EXOC4: variants seen among roughly 807,000 people sequenced by gnomAD.
EXOC4 encodes exocyst complex component 4, also known as SEC8-like 1.
EXOC4 carries 71 observed loss-of-function variants against 107.2 expected under a neutral mutation model. That is an observed-to-expected ratio of 0.66 (90% CI 0.55 to 0.81). EXOC4 has a LOEUF of 0.81. Ranked by LOEUF, EXOC4 falls within the 30% of genes least tolerant of loss-of-function variation. The pLI is 0.00. For synonymous variants in EXOC4, 456 were observed against 441.2 expected (o/e 1.03, Z -0.42); for missense variants, 1,108 against 1,189.6 (o/e 0.93, Z 1.01).
intron 17 of EXOC4, among the ~76,000 whole-genome samples, chr7:134,026,097 A>G (rs532200127): frequency 6.6e-6 from 1 of 152,252 alleles, no homozygotes. Context: ...AATAAAGGAA[A>G]TTTCTTGAAT....
At chr7:133,380,942 G>A (rs549663551) in intron 7 of EXOC4, among the ~76,000 whole-genome samples, 4 of 152,174 alleles carry the variant, frequency 2.6e-5, no homozygotes, top group African/African-American at 7.2e-5. Flanking sequence ...TTGCATTTTT[G>A]CTTGCTTTCT....
chr7:133,716,000 A>T (rs746719158), intron 10 of EXOC4, among the ~76,000 whole-genome samples: 4 of 152,192 alleles, frequency 2.6e-5, no homozygotes, highest in Non-Finnish European at 5.9e-5. Flanking sequence ...TAAAGCAGTT[A>T]ACTCTGCTGG....
intron 11 of EXOC4, among the ~76,000 whole-genome samples, chr7:133,854,452 AC>A (rs1267741011): frequency 1.6e-4 from 23 of 147,030 alleles, no homozygotes; most frequent in African/African-American, 5.8e-4. Flanking sequence ...ACACACACAT[AC>A]ATTTTAATCC....
At chr7:133,357,529 A>G (rs915244365) in intron 6 of EXOC4, among the ~76,000 whole-genome samples, 2 of 152,120 alleles carry the variant, frequency 1.3e-5, no homozygotes, top group African/African-American at 4.8e-5. Context: ...TTGAATTCAG[A>G]TTCTAACTTT....
chr7:134,074,826 G>T, the EXOC4 span, among the ~76,000 whole-genome samples: 1 of 152,222 alleles, frequency 6.6e-6, no homozygotes, highest in Non-Finnish European at 1.5e-5. Context: ...ACCACTGAAG[G>T]CTCACGGAGC....
At chr7:133,382,302 G>C (rs923910172) in intron 7 of EXOC4, among the ~76,000 whole-genome samples, 5 of 152,192 alleles carry the variant, frequency 3.3e-5, no homozygotes, top group African/African-American at 1.2e-4. Context: ...AAGATGATAT[G>C]GTCCATCTGC....
chr7:133,900,773 G>T (rs1232782755), intron 12 of EXOC4, among the ~76,000 whole-genome samples: 1 of 152,142 alleles, frequency 6.6e-6, no homozygotes, highest in African/African-American at 2.4e-5. Flanking sequence ...TATAGAAGAA[G>T]AAATACAGAT....
rs1797643402 is a variant in EXOC4 at position 133,423,225 on chromosome 7, CCAAAAAAAA to C, written c.1182+48224_1182+48232del. ...TGGGCGACAGAGCGAGACTCCGTCT[CCAAAAAAAA>C]AAAAAAAAAAAAAAAAAATAGAATT... On this transcript the variant is annotated intron_variant, in intron 7 of 17. Transcript: ENST00000253861. Among the ~76,000 whole-genome samples the C allele has an allele frequency of 3.3e-4, 4 of 12,156 alleles. 2 individuals are homozygous for C. Among genetic ancestry groups the C allele is most frequent in the East Asian group, 0.015 (2 of 132 alleles). The allele number at this position is 12,156 out of a possible 152,430, so 8.0% of individuals were successfully genotyped here. A position where few individuals can be genotyped will look rare whatever the true frequency, so the allele number is the denominator to read the frequency against.
intron 9 of EXOC4, among the ~76,000 whole-genome samples, chr7:133,501,601 A>G (rs1799577152): frequency 6.6e-6 from 1 of 152,184 alleles, no homozygotes; most frequent in South Asian, 2.1e-4. Context: ...TGACAAGTGG[A>G]CATTGCTGAA....
chr7:134,034,418 A>G (rs1215588630), intron 17 of EXOC4, among the ~76,000 whole-genome samples: 2 of 152,192 alleles, frequency 1.3e-5, no homozygotes, highest in East Asian at 3.8e-4. Flanking sequence ...CCCCACCCAA[A>G]TCTCATCTTG....
chr7:133,977,126 T>C (rs1793855556), intron 14 of EXOC4, among the ~76,000 whole-genome samples: 1 of 152,236 alleles, frequency 6.6e-6, no homozygotes, highest in Admixed American at 6.5e-5. Context: ...AGTCTTAAGC[T>C]GAAGCTTTTA....
intron 5 of EXOC4, among the ~76,000 whole-genome samples, chr7:133,337,603 G>A (rs1584826718): frequency 7.2e-6 from 1 of 139,562 alleles, no homozygotes; most frequent in Admixed American, 7.0e-5. Context: ...TTTCCTTTTT[G>A]TCATTTCTTA....
In EXOC4 at chr7:133,259,584, G is replaced by GA. The variant is rs200588025; in HGVS notation, c.86+6407dup. Among the ~76,000 whole-genome samples the GA allele has an allele frequency of 4.8e-3, 710 of 146,752 alleles. 5 individuals are homozygous for GA. Among genetic ancestry groups the GA allele is most frequent in the African/African-American group, 0.015 (606 of 40,100 alleles). On this transcript the variant is annotated intron_variant, in intron 1 of 17. Transcript: ENST00000253861. ...ATTAATACTTTTGCTTCCAGTTTAA[G>GA]AAAAAAAAAATCACTCTATTGTTTT...
chr7:133,418,721 C>A (rs902677986), intron 7 of EXOC4, among the ~76,000 whole-genome samples: 1 of 152,132 alleles, frequency 6.6e-6, no homozygotes, highest in Non-Finnish European at 1.5e-5. Context: ...TGTGTACTCA[C>A]TACTAGTAGT....
chr7:133,389,600 G>A (rs1796806390), intron 7 of EXOC4, among the ~76,000 whole-genome samples: 1 of 146,202 alleles, frequency 6.8e-6, no homozygotes, highest in Non-Finnish European at 1.5e-5. Context: ...AAAAAAGAGA[G>A]TCTTAAGTCA....
rs183787428 is a variant in EXOC4, at chr7:133,861,603, C to T, written c.1735-33996C>T. 4.9e-3 allele frequency among the ~76,000 whole-genome samples: 739 copies of T among 152,166 alleles called. 3 individuals are homozygous for T. Among genetic ancestry groups the T allele is most frequent in the Middle Eastern group, 0.017 (5 of 294 alleles). On this transcript the variant is annotated intron_variant, in intron 11 of 17. Coordinates refer to ENST00000253861, the MANE Select transcript of EXOC4 (RefSeq NM_021807.4). ...AGGCTGGAGTGCAGTGGCGTGATCT[C>T]GGCTCACTGCAACCTCTGCCTTCTG...
Position 134,064,431 on chromosome 7 carries a change from C to G in EXOC4, c.2828C>G (p.Thr943Ser). The G allele has an allele frequency of 6.2e-7, 1 of 1,608,720 alleles. No individual in the cohort carries two copies. Among genetic ancestry groups the G allele is most frequent in the Middle Eastern group, 1.7e-4 (1 of 6,048 alleles). The change falls in exon 18 of 18, where the codon ACC becomes AGC. Residue 943 changes from threonine to serine, a missense_variant. Transcript: ENST00000253861. Reference protein sequence around the residue: ...HRSQTGVGELTTQNTRLQRLK... With the variant: ...HRSQTGVGELSTQNTRLQRLK... ...AGCCAGACTGGGGTGGGGGAACTGA[C>G]CACCCAGAACACGAGGCTGCAGAGG...
intron 10 of EXOC4, among the ~76,000 whole-genome samples, chr7:133,789,864 G>A (rs1415577432): frequency 2.0e-5 from 3 of 149,854 alleles, no homozygotes; most frequent in Non-Finnish European, 4.5e-5. Flanking sequence ...ATATTATACT[G>A]ACTTACTTTC....
In EXOC4 at chr7:133,844,378, C is replaced by CA. The variant is rs1371732321; in HGVS notation, c.1734+26834_1734+26835insA. 9.0e-3 allele frequency among the ~76,000 whole-genome samples: 747 copies of CA among 83,424 alleles called. 7 individuals are homozygous for CA. Among genetic ancestry groups the CA allele is most frequent in the Non-Finnish European group, 0.013 (602 of 45,584 alleles). 54.7% of individuals were successfully genotyped at this position (83,424 alleles called of 152,430 possible). ...TAATTTCTTGGATTCCCACATATTCCTTTTTTTTTTTTTTTTTTTTTTTTT... is the reference window on the plus strand; with the variant it reads ...TAATTTCTTGGATTCCCACATATTCCATTTTTTTTTTTTTTTTTTTTTTTTT... On this transcript the variant is annotated intron_variant, in intron 11 of 17. Transcript: ENST00000253861.
Sources: gnomAD v4.1 joint callset for allele counts (sites outside exome capture counted in the v4.1 genomes callset) on GRCh38, gnomAD v4.1.1 for gene constraint, MANE v1.5 for transcripts, NCBI Gene and HGNC (gene_info 2026-07-23, HGNC 2026-07-21) for gene names.